Variants in PRKD1 observed in about 807,000 individuals in gnomAD.
PRKD1 encodes protein kinase D1, also known as serine/threonine-protein kinase D1.
A neutral mutation model predicts 95.9 loss-of-function variants in PRKD1; 63 were observed. That is an observed-to-expected ratio of 0.66 (90% CI 0.54 to 0.81). PRKD1 has a LOEUF of 0.81. Ranked by LOEUF, PRKD1 falls within the 30% of genes least tolerant of loss-of-function variation. The pLI, the probability that PRKD1 is intolerant of heterozygous loss-of-function variation, is 0.00. For synonymous variants in PRKD1, 425 were observed against 423.1 expected (o/e 1.00, Z -0.05); for missense variants, 1,048 against 1,165.3 (o/e 0.90, Z 1.47).
chr14:29,763,125 TAAAAAAAA>T (rs36087571), intron 1 of PRKD1, among the ~76,000 whole-genome samples: 1 of 64,782 alleles, frequency 1.5e-5, no homozygotes, highest in African/African-American at 6.6e-5. Flanking sequence ...TCTCTAAAAT[TAAAAAAAA>T]AAAAAAAAAA....
At chr14:29,716,049 G>A (rs1204446011) in intron 2 of PRKD1, among the ~76,000 whole-genome samples, 1 of 152,112 alleles carries the variant, frequency 6.6e-6, no homozygotes, top group Non-Finnish European at 1.5e-5. Context: ...TCCATTCTAA[G>A]AAGCAAATAT....
At chr14:29,855,974 G>A (rs137946722) in intron 1 of PRKD1, among the ~76,000 whole-genome samples, 6 of 152,200 alleles carry the variant, frequency 3.9e-5, no homozygotes, top group East Asian at 3.9e-4. Flanking sequence ...CCAGTCCTGC[G>A]TACATCTTTA....
intron 1 of PRKD1, among the ~76,000 whole-genome samples, chr14:29,810,674 G>A (rs1890445539): frequency 6.6e-6 from 1 of 152,202 alleles, no homozygotes; most frequent in Non-Finnish European, 1.5e-5. Context: ...TGGTCTTATT[G>A]TGGTGACATT....
chr14:29,739,286 A>C (rs904876832), intron 1 of PRKD1, among the ~76,000 whole-genome samples: 1 of 152,244 alleles, frequency 6.6e-6, no homozygotes, highest in South Asian at 2.1e-4. Flanking sequence ...CATTCAAGAC[A>C]AGACTTTAAT....
At chr14:29,724,736 AAGAAGGCATGAGAGG>A (rs1479023912) in intron 2 of PRKD1, among the ~76,000 whole-genome samples, 1 of 152,156 alleles carries the variant, frequency 6.6e-6, no homozygotes, top group Admixed American at 6.6e-5. Flanking sequence ...ATGGTAAACA[AAGAAGGCATGAGAGG>A]AGAAAAGAGC....
At chr14:29,704,267 C>G (rs1884975170) in intron 2 of PRKD1, among the ~76,000 whole-genome samples, 1 of 151,978 alleles carries the variant, frequency 6.6e-6, no homozygotes, top group African/African-American at 2.4e-5. Context: ...ATAGAAAGGA[C>G]CCACCATGAG....
intron 1 of PRKD1, among the ~76,000 whole-genome samples, chr14:29,901,391 C>T (rs932606893): frequency 6.6e-6 from 1 of 152,180 alleles, no homozygotes; most frequent in Non-Finnish European, 1.5e-5. Flanking sequence ...GAGTACTATG[C>T]TCACTACCTG....
chr14:29,885,518 C>G (rs1488409187), intron 1 of PRKD1, among the ~76,000 whole-genome samples: 1 of 151,584 alleles, frequency 6.6e-6, no homozygotes, highest in African/African-American at 2.4e-5. Context: ...CTTATAAGAC[C>G]AAATGGCAAT....
At chr14:29,773,297 T>G (rs930876413) in intron 1 of PRKD1, among the ~76,000 whole-genome samples, 2 of 151,890 alleles carry the variant, frequency 1.3e-5, no homozygotes, top group African/African-American at 4.8e-5. Flanking sequence ...CCCACTCTAC[T>G]AAAAATACAA....
At chr14:29,650,404 TC>T (rs1881418613) in intron 4 of PRKD1, 4 of 152,320 alleles carry the variant, frequency 2.6e-5, no homozygotes, top group Admixed American at 2.6e-4. Context: ...GGAGGGCCTA[TC>T]CCCTTCAGGG....
chr14:29,807,551 C>CA (rs1461401409), intron 1 of PRKD1, among the ~76,000 whole-genome samples: 1 of 151,998 alleles, frequency 6.6e-6, no homozygotes, highest in Non-Finnish European at 1.5e-5. Flanking sequence ...TGTGTGCCAC[C>CA]ATGCCTGGCT....
At chr14:29,661,508 G>T (rs555012948) in intron 4 of PRKD1, among the ~76,000 whole-genome samples, 2 of 152,252 alleles carry the variant, frequency 1.3e-5, no homozygotes, top group East Asian at 3.9e-4. Context: ...GGGTGCTTTT[G>T]TTCCCGTATG....
intron 1 of PRKD1, among the ~76,000 whole-genome samples, chr14:29,845,567 G>A (rs1282733828): frequency 6.6e-6 from 1 of 152,082 alleles, no homozygotes; most frequent in East Asian, 1.9e-4. Context: ...AATGGAAGAT[G>A]GCATATAATT....
chr14:29,697,704 T>C (rs1884604744), intron 2 of PRKD1, among the ~76,000 whole-genome samples: 1 of 148,126 alleles, frequency 6.8e-6, no homozygotes, highest in Admixed American at 6.7e-5. Context: ...TTCCTTTTCA[T>C]TTTTTTTTTG....
At chr14:29,759,923 T>C (rs967019749) in intron 1 of PRKD1, among the ~76,000 whole-genome samples, 1 of 152,232 alleles carries the variant, frequency 6.6e-6, no homozygotes, top group Non-Finnish European at 1.5e-5. Context: ...AAAAGTAATG[T>C]CAACTTTTTC....
intron 1 of PRKD1, among the ~76,000 whole-genome samples, chr14:29,808,955 T>G (rs1890365916): frequency 6.6e-6 from 1 of 152,220 alleles, no homozygotes; most frequent in African/African-American, 2.4e-5. Flanking sequence ...ATGGCAGCTG[T>G]AGCCTTATGA....
rs555920252 is a variant in PRKD1, at chr14:29,634,538, T to A, written c.1194A>T (p.Pro398=). The change falls in exon 8 of 18, where the codon CCA becomes CCT. Residue 398 remains proline, a synonymous_variant. Coordinates refer to ENST00000331968, the MANE Select transcript of PRKD1 (RefSeq NM_002742.3). ...TGAGTGGGATATTGTTGCTTGTTGA[T>A]GGACTTGAGAAGTCAAAATATTGTA... The part of the protein sequence containing the change: ...DHEDANRTIS[P]STSNNIPLMR... 8 of 1,614,022 alleles carry A rather than the reference T, an allele frequency of 5.0e-6. No homozygotes were observed. Among genetic ancestry groups the A allele is most frequent in the African/African-American group, 1.3e-5 (1 of 75,040 alleles).
chr14:29,624,175 G>A lies in PRKD1; in HGVS notation c.1882C>T (p.Arg628Cys), dbSNP rs1469866177. ...RFPTKQESQL[R>C]NEVAILQNLH... is the part of the protein sequence containing the mutation. ...ACCTGTAGAATTGCAACCTCATTAC[G>A]AAGCTGGCTTTCTTGTTTTGTTGGA... Residue 628 changes from arginine to cysteine, a missense_variant, in exon 13 of 18, where the codon CGT (arginine) becomes TGT (cysteine). Around this residue, in one of 3 missense-constraint regions of PRKD1, gnomAD observed 739 missense variants for 861.9 expected, o/e 0.86. Transcript: ENST00000331968. 5 of 1,604,628 alleles carry A rather than the reference G, an allele frequency of 3.1e-6. No individual in the cohort carries two copies. The highest frequency in any genetic ancestry group is 4.3e-6 in the Non-Finnish European group (5 of 1,174,974).
At chr14:29,589,195 T>G (rs550592732) in intron 16 of PRKD1, among the ~76,000 whole-genome samples, 6 of 152,312 alleles carry the variant, frequency 3.9e-5, no homozygotes, top group African/African-American at 1.4e-4. Flanking sequence ...TCAGTTCAAT[T>G]TGATAATGGA....
Sources: allele counts gnomAD v4.1 joint callset (sites outside exome capture counted in the v4.1 genomes callset), GRCh38; gene constraint gnomAD v4.1.1; regional missense constraint gnomAD v4.1.1; transcripts MANE v1.5; gene names NCBI Gene and HGNC (gene_info 2026-07-23, HGNC 2026-07-21).